SH2B1: variants seen among roughly 807,000 people sequenced by gnomAD.
The protein encoded by SH2B1 is SH2B adaptor protein 1, also known as SH2B adapter protein 1.
In SH2B1, 15 loss-of-function variants were observed where a neutral mutation model predicts 62.6. That is an observed-to-expected ratio of 0.24 (90% confidence interval 0.16 to 0.37). The LOEUF (loss-of-function observed/expected upper bound fraction) is 0.37. SH2B1 is among the 10% of genes least tolerant of loss of function. The probability of loss-of-function intolerance (pLI) is 1.00; values close to 1 mark genes in which losing one functional copy is unlikely to be tolerated. For synonymous variants in SH2B1, 443 were observed against 438.0 expected (o/e 1.01, Z -0.14); for missense variants, 925 against 1,015.6 (o/e 0.91, Z 1.21).
upstream of SH2B1, among the ~76,000 whole-genome samples, chr16:28,860,984 T>G (rs1014195885): frequency 5.3e-5 from 8 of 151,722 alleles, no homozygotes; most frequent in African/African-American, 1.9e-4. Context: ...ACGTGGCTAA[T>G]TTTTTATATT....
Position 28,852,553 on chromosome 16 carries a change from C to T in SH2B1, c.-301+5726C>T, listed in dbSNP as rs867207026. ...ATACACATATATTTATATATATACA[C>T]ATATTTATATATATACACATATATA... On this transcript the variant is annotated intron_variant, in intron 1 of 10. Coordinates refer to the SH2B1 transcript ENST00000322610. Among the ~76,000 whole-genome samples the T allele has an allele frequency of 3.5e-3, 34 of 9,578 alleles. 12 individuals are homozygous for T. The highest frequency in any genetic ancestry group is 0.029 in the East Asian group (7 of 242). The allele number at this position is 9,578 out of a possible 152,430, so 6.3% of individuals were successfully genotyped here. A position where few individuals can be genotyped will look rare whatever the true frequency, so the allele number is the denominator to read the frequency against.
upstream of SH2B1, among the ~76,000 whole-genome samples, chr16:28,859,478 A>C (rs964109082): frequency 6.6e-6 from 1 of 152,136 alleles, no homozygotes; most frequent in Non-Finnish European, 1.5e-5. Context: ...TTTTTCTGCC[A>C]GGGTTGTTTA....
chr16:28,872,516 C>T lies in SH2B1; in HGVS notation c.1726-18C>T, dbSNP rs201013822. On this transcript the variant is annotated intron_variant, in intron 6 of 7. Coordinates refer to ENST00000684370, the MANE Select transcript of SH2B1 (RefSeq NM_001387430.1). This position sits in a 1 kb window ranked among gnomAD's most constrained non-coding sequence, Gnocchi z 5.3. ...AGGGCCTTTGCCTCCTACCTCACCT[C>T]CCCCATCCCGCCCTCAGCACCTGCG... 5 of 1,602,244 alleles carry T rather than the reference C, an allele frequency of 3.1e-6. No individual in the cohort carries two copies. Among genetic ancestry groups the T allele is most frequent in the East Asian group, 2.2e-5 (1 of 44,706 alleles).
intron 1 of SH2B1, among the ~76,000 whole-genome samples, chr16:28,855,114 T>G (rs928394988): frequency 6.6e-6 from 1 of 151,948 alleles, no homozygotes; most frequent in Non-Finnish European, 1.5e-5. Flanking sequence ...CTTCGGGTGA[T>G]CTGCCCACCT....
intron 4 of SH2B1, 127 bp downstream of exon 4, chr16:28,869,510 A>G (rs542462854): frequency 1.0e-5 from 8 of 789,174 alleles, no homozygotes; most frequent in Admixed American, 2.9e-5. Context: ...CCCTACCCCA[A>G]CCCCACCAAA....
chr16:28,851,566 TCTC>T (rs55769821), intron 1 of SH2B1, among the ~76,000 whole-genome samples: 50,869 of 149,794 alleles, frequency 0.34, 9,265 homozygotes, highest in Admixed American at 0.4. Context: ...TTAAAGCGAT[TCTC>T]CTCCTGCCTC....
chr16:28,871,750 G>T, intron 4 of SH2B1, 30 bp from the exon 5 acceptor site: 1 of 1,574,460 alleles, frequency 6.4e-7, no homozygotes, highest in East Asian at 2.2e-5. Context: ...GAATTTCTTG[G>T]GTTCTCAGCT....
Position 28,873,596 on chromosome 16 carries a change from G to A in SH2B1, c.2047G>A (p.Ala683Thr). 3 of 1,560,654 alleles carry A rather than the reference G, an allele frequency of 1.9e-6. No homozygotes were observed. Among genetic ancestry groups the A allele is most frequent in the South Asian group, 1.2e-5 (1 of 85,310 alleles). Residue 683 changes from alanine to threonine, a missense_variant, in exon 8 of 8, where the codon GCG (alanine) becomes ACG (threonine). Physicochemically the swap from Ala to Thr is moderately conservative, Grantham distance 58 (BLOSUM62 0). Around this residue, in one of 3 missense-constraint regions of SH2B1, gnomAD observed 185 missense variants for 189.5 expected, o/e 0.98. Transcript: ENST00000684370. The surrounding 1 kb of genome is among the most constrained non-coding windows in gnomAD (Gnocchi z 4.2). The part of the protein sequence containing the change: ...AAKERQEKEK[A>T]GGGGVPEELV... Reference sequence around the variant, plus strand: ...CAAAGAGAGGCAAGAGAAAGAGAAAGCGGGCGGTGGAGGGGTCCCGGAAGA... The same window carrying A: ...CAAAGAGAGGCAAGAGAAAGAGAAAACGGGCGGTGGAGGGGTCCCGGAAGA...
upstream of SH2B1, among the ~76,000 whole-genome samples, chr16:28,861,905 G>T (rs1054438305): frequency 2.0e-5 from 3 of 152,226 alleles, no homozygotes; most frequent in African/African-American, 7.2e-5. Context: ...TAAGCTATTA[G>T]GGTTTAAGCT....
chr16:28,863,733 G>A (rs529254403), upstream of SH2B1: 5 of 1,535,728 alleles, frequency 3.3e-6, no homozygotes, highest in Non-Finnish European at 3.5e-6. Context: ...TGGGGTCGGC[G>A]CCGAGTGGGA....
At position 28,864,284 on chromosome 16, in the gene SH2B1, GTC is replaced by G. The variant is rs1172661364; in HGVS notation, c.-1809_-1808del. 1.0e-6 allele frequency: 1 copy of G among 1,000,814 alleles called. No homozygotes were observed. Among genetic ancestry groups the G allele is most frequent in the Admixed American group, 5.8e-5 (1 of 17,320 alleles). 62.0% of individuals were successfully genotyped at this position (1,000,814 alleles called of 1,614,324 possible). On this transcript the variant is annotated 5_prime_UTR_variant, in exon 1 of 8. An upstream open reading frame in the 5' UTR loses its in-frame stop. Transcript: ENST00000684370. ...GGAGGCAGGTGCACCGGGAAAATGTGTCTGAGTCCTGCTTGGCAGAAGAGAAA... is the reference window on the plus strand; with the variant it reads ...GGAGGCAGGTGCACCGGGAAAATGTGTGAGTCCTGCTTGGCAGAAGAGAAA...
At position 28,864,183 on chromosome 16, in the gene SH2B1, G is replaced by T. The variant is rs1962558244; in HGVS notation, c.-1912G>T. 4 of 1,065,048 alleles carry T rather than the reference G, an allele frequency of 3.8e-6. No homozygotes were observed. The highest frequency in any genetic ancestry group is 4.6e-6 in the Non-Finnish European group (4 of 878,910). 66.0% of individuals were successfully genotyped at this position (1,065,048 alleles called of 1,614,324 possible). On this transcript the variant is annotated 5_prime_UTR_variant, in exon 1 of 8. Coordinates refer to ENST00000684370, the MANE Select transcript of SH2B1 (RefSeq NM_001387430.1). Reference sequence around the variant, plus strand: ...CGGATCGGAGTATATGGACCACCGGGCCCGGAGGGTCCGAGCCGAGAGCGG... The same window carrying T: ...CGGATCGGAGTATATGGACCACCGGTCCCGGAGGGTCCGAGCCGAGAGCGG...
At chr16:28,867,267 G>A in intron 1 of SH2B1, 64 bp from the exon 2 acceptor site, 7 of 1,357,070 alleles carry the variant, frequency 5.2e-6, no homozygotes, top group Non-Finnish European at 7.4e-6. Context: ...TGAATGTCTG[G>A]AGGGAGGGGA....
At chr16:28,855,726 G>A (rs1171333267) in intron 1 of SH2B1, among the ~76,000 whole-genome samples, 1 of 149,374 alleles carries the variant, frequency 6.7e-6, no homozygotes, top group Non-Finnish European at 1.5e-5. Flanking sequence ...TGCAAGCTCC[G>A]TCTCCTGGGT....
At position 28,866,203 on chromosome 16, in the gene SH2B1, G is replaced by A. The variant is rs766544611; in HGVS notation, c.109G>A (p.Ala37Thr). 2.5e-6 allele frequency: 4 copies of A among 1,598,974 alleles called. No individual in the cohort carries two copies. In the Admixed American group the frequency reaches 6.8e-5, roughly 27 times the overall value. ...REFCESHARA[A>T]ALDFARRFRL... Reference sequence around the variant, plus strand: ...GTTCTGTGAGTCCCACGCCCGGGCTGCGGCTCTGGACTTTGCCCGCCGTTT... The same window carrying A: ...GTTCTGTGAGTCCCACGCCCGGGCTACGGCTCTGGACTTTGCCCGCCGTTT... Residue 37 changes from alanine (A) to threonine (T), a missense_variant, in exon 1 of 8, where the codon GCG becomes ACG. Ala to Thr is a moderately conservative substitution (Grantham distance 58). Transcript: ENST00000684370. The surrounding 1 kb of genome is among the most constrained non-coding windows in gnomAD (Gnocchi z 6.3).
chr16:28,849,744 T>A (rs747646125), intron 1 of SH2B1, among the ~76,000 whole-genome samples: 5 of 152,048 alleles, frequency 3.3e-5, no homozygotes, highest in Non-Finnish European at 5.9e-5. Flanking sequence ...CTGGCCAACA[T>A]GGTGAAATCC....
chr16:28,867,556 C>T, intron 2 of SH2B1, 124 bp downstream of exon 2: 1 of 708,202 alleles, frequency 1.4e-6, no homozygotes, highest in Non-Finnish European at 2.5e-6. Flanking sequence ...GAGAGTGTGT[C>T]CCTGGGGCTG....
In SH2B1 at chr16:28,874,073, C is replaced by T; in HGVS notation, c.*253C>T. 2.6e-6 allele frequency: 1 copy of T among 383,652 alleles called. No homozygotes were observed. The highest frequency in any genetic ancestry group is 4.6e-6 in the Non-Finnish European group (1 of 217,336). The allele number at this position is 383,652 out of a possible 1,614,324, so 23.8% of individuals were successfully genotyped here. On this transcript the variant is annotated 3_prime_UTR_variant, in exon 8 of 8. Coordinates refer to ENST00000684370, the MANE Select transcript of SH2B1 (RefSeq NM_001387430.1). ...TTCTGGTCAGCCCCACCCTGGGGGC[C>T]ATTTCCCCATTAACTACCCCCAGCC...
chr16:28,854,489 T>G (rs1456640038), intron 1 of SH2B1, among the ~76,000 whole-genome samples: 1 of 151,980 alleles, frequency 6.6e-6, no homozygotes. Flanking sequence ...TGGTGGCTCA[T>G]GCCTGTATGT....
Sources: gnomAD v4.1 joint callset for allele counts (sites outside exome capture counted in the v4.1 genomes callset) on GRCh38, gnomAD v4.1.1 for gene constraint, gnomAD v4.1.1 regional missense constraint, Gnocchi (gnomAD v3.1) non-coding constraint, MANE v1.5 for transcripts, NCBI Gene and HGNC (gene_info 2026-07-23, HGNC 2026-07-21) for gene names.